The following CACNA2D1 variants were observed in gnomAD, a reference collection of about 807,000 sequenced individuals.
CACNA2D1 encodes voltage-dependent calcium channel subunit alpha-2/delta-1.
CACNA2D1 carries 53 observed loss-of-function variants against 171.5 expected under a neutral mutation model. The ratio of observed to expected loss-of-function variants is 0.31; its 90% CI spans 0.25 to 0.39. The LOEUF is 0.39. CACNA2D1 is among the 10% of genes least tolerant of loss of function. CACNA2D1 has a pLI of 1.00. For missense variants in CACNA2D1, 903 were observed against 1,299.8 expected, an observed-to-expected ratio of 0.69 and a Z score of 4.69; for synonymous variants, 442 against 443.1, an observed-to-expected ratio of 1.00 and a Z score of 0.03.
chr7:82,032,338 C>G (rs920422577), intron 12 of CACNA2D1, among the ~76,000 whole-genome samples: 3 of 151,796 alleles, frequency 2.0e-5, no homozygotes, highest in Non-Finnish European at 4.4e-5. Context: ...GTAGTTTTTG[C>G]TGTTGTAAAC....
chr7:82,207,229 T>C (rs1279810655), intron 3 of CACNA2D1, among the ~76,000 whole-genome samples: 1 of 152,184 alleles, frequency 6.6e-6, no homozygotes, highest in Admixed American at 6.6e-5. Flanking sequence ...GCTGAGCACA[T>C]GATCGCTCCC....
intron 3 of CACNA2D1, among the ~76,000 whole-genome samples, chr7:82,318,209 G>T (rs1815347154): frequency 1.3e-5 from 2 of 152,084 alleles, no homozygotes; most frequent in South Asian, 4.1e-4. Flanking sequence ...TTTTTTGAAA[G>T]CTTGCTAGTC....
At chr7:82,371,828 G>C (rs1366417636) in intron 1 of CACNA2D1, among the ~76,000 whole-genome samples, 3 of 152,074 alleles carry the variant, frequency 2.0e-5, no homozygotes, top group Non-Finnish European at 4.4e-5. Context: ...TGCCTGCAAA[G>C]TGCTGGGATT....
intron 4 of CACNA2D1, among the ~76,000 whole-genome samples, chr7:82,153,761 G>C (rs1483809039): frequency 6.6e-6 from 1 of 151,818 alleles, no homozygotes; most frequent in Non-Finnish European, 1.5e-5. Context: ...CTGATGAAAA[G>C]TTGTCAAATT....
intron 7 of CACNA2D1, among the ~76,000 whole-genome samples, chr7:82,068,774 T>C (rs1448552892): frequency 6.6e-6 from 1 of 152,170 alleles, no homozygotes; most frequent in East Asian, 1.9e-4. Context: ...TTGAAAGTTA[T>C]GTTTCAATTA....
intron 3 of CACNA2D1, among the ~76,000 whole-genome samples, chr7:82,334,860 TTTA>T (rs1300992429): frequency 2.6e-5 from 4 of 151,930 alleles, no homozygotes; most frequent in African/African-American, 4.8e-5. Flanking sequence ...ACATGTTCAA[TTTA>T]TTATTATGTA....
rs116529990 is a variant in CACNA2D1 at position 81,950,657 on chromosome 7, T to C, written c.3160-149A>G. ...CTGCTGTAATTGAAATCCAAAGAAA[T>C]TACTTTCTCCTAGATTTTATCATTG... is the stretch of plus-strand genomic sequence containing the variant. On this transcript the variant is annotated intron_variant, in intron 38 of 38. Coordinates refer to ENST00000356860, the MANE Select transcript of CACNA2D1 (RefSeq NM_000722.4). The C allele has an allele frequency of 2.8e-3, 3,368 of 1,185,534 alleles. 50 individuals are homozygous for C. In the African/African-American group the frequency reaches 0.035, roughly 12 times the overall value. The allele number at this position is 1,185,534 out of a possible 1,614,324, so 73.4% of individuals were successfully genotyped here.
intron 38 of CACNA2D1, among the ~76,000 whole-genome samples, chr7:81,951,873 C>G (rs1354575335): frequency 6.7e-6 from 1 of 149,052 alleles, no homozygotes; most frequent in East Asian, 2.1e-4. Context: ...ACTACTGGAT[C>G]AAATGGTAGT....
chr7:81,946,670 T>C lies in CACNA2D1; in HGVS notation c.*3722A>G, dbSNP rs1792073798. On this transcript the variant is annotated 3_prime_UTR_variant, in exon 39 of 39. Coordinates refer to ENST00000356860, the MANE Select transcript of CACNA2D1 (RefSeq NM_000722.4). ...TGGCCTTTTGCATGAATGCACACCA[T>C]TTTAATAAAAGTATTCCTAAAAGCA... The C allele has an allele frequency of 6.6e-6, 1 of 152,128 alleles. No individual in the cohort carries two copies. The highest frequency in any genetic ancestry group is 6.6e-5 in the Admixed American group (1 of 15,254). The allele number at this position is 152,128 out of a possible 1,614,324, so 9.4% of individuals were successfully genotyped here. A position where few individuals can be genotyped will look rare whatever the true frequency, so the allele number is the denominator to read the frequency against.
chr7:82,178,832 G>A (rs1796819090), intron 3 of CACNA2D1, among the ~76,000 whole-genome samples: 1 of 151,994 alleles, frequency 6.6e-6, no homozygotes, highest in Admixed American at 6.6e-5. Context: ...CTAAATGTGC[G>A]TTCATCCAGT....
intron 11 of CACNA2D1, 185 bp from the exon 12 acceptor site, chr7:82,033,086 A>G: frequency 1.9e-6 from 1 of 517,916 alleles, no homozygotes; most frequent in East Asian, 3.1e-5. Context: ...CCTTCCCCTC[A>G]CCACCCAGAT....
At chr7:82,410,329 T>C (rs1450916060) in intron 1 of CACNA2D1, among the ~76,000 whole-genome samples, 1 of 152,218 alleles carries the variant, frequency 6.6e-6, no homozygotes, top group Non-Finnish European at 1.5e-5. Context: ...CCCTAAAATA[T>C]ACCTTTTCAT....
intron 1 of CACNA2D1, among the ~76,000 whole-genome samples, chr7:82,395,528 G>A (rs1355128760): frequency 6.6e-6 from 1 of 152,126 alleles, no homozygotes; most frequent in African/African-American, 2.4e-5. Context: ...AAGCATGTAA[G>A]GCACTTCAAT....
At chr7:82,358,191 C>A (rs2129446872) in intron 1 of CACNA2D1, among the ~76,000 whole-genome samples, 1 of 152,258 alleles carries the variant, frequency 6.6e-6, no homozygotes. Flanking sequence ...CTACCAATGC[C>A]AAACTGTTCC....
rs142342709 is a variant in CACNA2D1 at position 81,947,082 on chromosome 7, G to A, written c.*3310C>T. The stretch of plus-strand genomic sequence containing the variant: ...AGACTATACCATTAAACATTTGAAC[G>A]TCTAACATGATCAATGGAATAGATT... On this transcript the variant is annotated 3_prime_UTR_variant, in exon 39 of 39. Coordinates refer to ENST00000356860, the MANE Select transcript of CACNA2D1 (RefSeq NM_000722.4). The A allele has an allele frequency of 3.2e-4, 49 of 151,908 alleles. No homozygotes were observed. The highest frequency in any genetic ancestry group is 3.4e-3 in the Middle Eastern group (1 of 294). 9.4% of individuals were successfully genotyped at this position (151,908 alleles called of 1,614,324 possible).
chr7:82,275,850 T>C (rs182257119), intron 3 of CACNA2D1, among the ~76,000 whole-genome samples: 1 of 152,316 alleles, frequency 6.6e-6, no homozygotes, highest in East Asian at 1.9e-4. Flanking sequence ...TCATGAAACA[T>C]AATAGTCTCT....
intron 3 of CACNA2D1, among the ~76,000 whole-genome samples, chr7:82,259,061 T>C (rs1317734622): frequency 6.6e-6 from 1 of 152,130 alleles, no homozygotes; most frequent in Non-Finnish European, 1.5e-5. Context: ...AATCCTGACC[T>C]CAAGTGATCC....
intron 12 of CACNA2D1, among the ~76,000 whole-genome samples, chr7:82,015,910 T>C (rs1226602982): frequency 1.3e-5 from 2 of 152,182 alleles, no homozygotes; most frequent in Admixed American, 6.5e-5. Context: ...ATTTCATTTG[T>C]AAGGTTTTAG....
intron 3 of CACNA2D1, among the ~76,000 whole-genome samples, chr7:82,329,770 G>T (rs1426421645): frequency 6.6e-6 from 1 of 151,904 alleles, no homozygotes; most frequent in East Asian, 1.9e-4. Context: ...CGTAGCAAAT[G>T]TCAGAAAAAA....
Sources: allele counts gnomAD v4.1 joint callset (sites outside exome capture counted in the v4.1 genomes callset), GRCh38; gene constraint gnomAD v4.1.1; transcripts MANE v1.5; gene names NCBI Gene and HGNC (gene_info 2026-07-23, HGNC 2026-07-21).